ZFHX3: variants seen among roughly 807,000 people sequenced by gnomAD.
ZFHX3 encodes zinc finger homeobox protein 3.
ZFHX3 carries 42 observed loss-of-function variants against 279.1 expected under a neutral mutation model. That is an observed-to-expected ratio of 0.15 (90% CI 0.12 to 0.19). The LOEUF (loss-of-function observed/expected upper bound fraction) is 0.19. Ranked by LOEUF, ZFHX3 falls within the 10% of genes least tolerant of loss-of-function variation. ZFHX3 has a pLI of 1.00. For synonymous variants in ZFHX3, 2,293 were observed against 1,957.8 expected, an observed-to-expected ratio of 1.17 and a Z score of -4.52; for missense variants, 4,981 against 4,754.0, an observed-to-expected ratio of 1.05 and a Z score of -1.40.
At chr16:73,740,147 A>G (rs1482572925) in intron 1 of ZFHX3, among the ~76,000 whole-genome samples, 1 of 152,148 alleles carries the variant, frequency 6.6e-6, no homozygotes, top group Non-Finnish European at 1.5e-5. Context: ...TTATATTTCA[A>G]ATGCAAATAA....
chr16:73,479,392 C>T (rs1011558693), intron 2 of ZFHX3, among the ~76,000 whole-genome samples: 6 of 152,176 alleles, frequency 3.9e-5, no homozygotes, highest in Non-Finnish European at 8.8e-5. Flanking sequence ...AGTCACGAAA[C>T]TCATTCCACT....
chr16:73,049,929 A>C (rs1023984609), upstream of ZFHX3, among the ~76,000 whole-genome samples: 4 of 152,224 alleles, frequency 2.6e-5, no homozygotes, highest in African/African-American at 9.6e-5. Context: ...TGAATAAGAC[A>C]TGAAGATGAC....
At chr16:73,645,241 C>CT (rs979755245) in intron 2 of ZFHX3, among the ~76,000 whole-genome samples, 1 of 152,124 alleles carries the variant, frequency 6.6e-6, no homozygotes, top group African/African-American at 2.4e-5. Flanking sequence ...AAAGGACCAT[C>CT]TTTTTAAATC....
chr16:73,028,455 A>G (rs767624133), intron 1 of ZFHX3, among the ~76,000 whole-genome samples: 5 of 152,108 alleles, frequency 3.3e-5, no homozygotes, highest in Non-Finnish European at 7.4e-5. Context: ...GGGCAGTGTG[A>G]TGCTGGGGCT....
chr16:73,379,082 G>A (rs1027621478), intron 3 of ZFHX3, among the ~76,000 whole-genome samples: 2 of 152,186 alleles, frequency 1.3e-5, no homozygotes, highest in African/African-American at 2.4e-5. Flanking sequence ...TCTGTCAATG[G>A]CATGTTGAGG....
chr16:73,745,401 A>G (rs1382851979), intron 1 of ZFHX3, among the ~76,000 whole-genome samples: 2 of 152,202 alleles, frequency 1.3e-5, no homozygotes, highest in South Asian at 2.1e-4. Flanking sequence ...AGAGTCACTC[A>G]TGGTCCTACA....
intron 1 of ZFHX3, among the ~76,000 whole-genome samples, chr16:73,057,299 A>G (rs376311903): frequency 2.0e-5 from 3 of 152,358 alleles, no homozygotes; most frequent in African/African-American, 7.2e-5. Flanking sequence ...GCAAAGTGAT[A>G]TATACATATT....
chr16:73,058,669 GGTC>G (rs1241976668), exon 1 of ZFHX3: 1 of 237,576 alleles, frequency 4.2e-6, no homozygotes, highest in Non-Finnish European at 7.8e-6. Context: ...GGCTGGCGGG[GGTC>G]GGCGGCGGCG....
At chr16:73,227,971 AACTTTATTT>A (rs1233083081) in intron 5 of ZFHX3, among the ~76,000 whole-genome samples, 1 of 151,740 alleles carries the variant, frequency 6.6e-6, no homozygotes, top group Non-Finnish European at 1.5e-5. Flanking sequence ...TGACACCTAT[AACTTTATTT>A]AACCTTCACA....
intron 2 of ZFHX3, among the ~76,000 whole-genome samples, chr16:73,674,607 G>C (rs1382749873): frequency 6.6e-6 from 1 of 152,146 alleles, no homozygotes; most frequent in Non-Finnish European, 1.5e-5. Context: ...CTTGCAATAG[G>C]ACATGACAGT....
At chr16:73,269,962 G>A (rs2014095481) in intron 4 of ZFHX3, among the ~76,000 whole-genome samples, 2 of 151,958 alleles carry the variant, frequency 1.3e-5, no homozygotes, top group African/African-American at 2.4e-5. Flanking sequence ...TGGCCAGGGT[G>A]GTCTCGAACT....
intron 3 of ZFHX3, among the ~76,000 whole-genome samples, chr16:73,431,700 T>A (rs928781694): frequency 1.3e-5 from 2 of 152,216 alleles, no homozygotes; most frequent in Non-Finnish European, 2.9e-5. Flanking sequence ...ATTCCATGAT[T>A]TATTTCCTTG....
At chr16:73,405,515 A>G (rs1244549871) in intron 3 of ZFHX3, among the ~76,000 whole-genome samples, 1 of 152,198 alleles carries the variant, frequency 6.6e-6, no homozygotes, top group Non-Finnish European at 1.5e-5. Context: ...TCTCATCAAG[A>G]CACAGATTTA....
intron 5 of ZFHX3, among the ~76,000 whole-genome samples, chr16:72,827,692 T>C (rs1723990024): frequency 6.6e-6 from 1 of 152,214 alleles, no homozygotes; most frequent in South Asian, 2.1e-4. Flanking sequence ...CGTCCCCCAC[T>C]ACATTCAGGG....
chr16:73,490,581 T>TA (rs2019042934), intron 2 of ZFHX3, among the ~76,000 whole-genome samples: 1 of 152,216 alleles, frequency 6.6e-6, no homozygotes, highest in South Asian at 2.1e-4. Flanking sequence ...CTCATGCTTA[T>TA]AATCCCAGCA....
intron 4 of ZFHX3, among the ~76,000 whole-genome samples, chr16:72,865,583 T>C (rs1255910317): frequency 1.3e-5 from 2 of 152,162 alleles, no homozygotes; most frequent in South Asian, 4.1e-4. Context: ...TCATAGGCTA[T>C]AGGGACAGGT....
intron 2 of ZFHX3, among the ~76,000 whole-genome samples, chr16:73,639,606 C>T (rs2052556476): frequency 6.6e-6 from 1 of 152,046 alleles, no homozygotes; most frequent in African/African-American, 2.4e-5. Context: ...TTTCTTTTCT[C>T]CTAAAGCAGG....
At position 73,353,725 on chromosome 16, in the gene ZFHX3, G is replaced by A. The variant is rs149628767; in HGVS notation, c.-1290-35389C>T. Among the ~76,000 whole-genome samples, 482 of 152,150 alleles carry A rather than the reference G, an allele frequency of 3.2e-3. 1 individual carries two copies. Among genetic ancestry groups the A allele is most frequent in the African/African-American group, 0.011 (448 of 41,502 alleles). Reference sequence around the variant, plus strand: ...TGTTAGTATAGACCCAGTGTGCGGTGAAAAATGAAAGGAAGCAGGAGAAAA... The same window carrying A: ...TGTTAGTATAGACCCAGTGTGCGGTAAAAAATGAAAGGAAGCAGGAGAAAA... On this transcript the variant is annotated intron_variant, in intron 3 of 17. Transcript: ENST00000641206.
intron 7 of ZFHX3, among the ~76,000 whole-genome samples, chr16:73,097,967 T>C (rs1210951435): frequency 6.6e-6 from 1 of 152,222 alleles, no homozygotes; most frequent in Non-Finnish European, 1.5e-5. Context: ...ATTATGTTTA[T>C]CCACTCCCCT....
Sources: allele counts gnomAD v4.1 joint callset (sites outside exome capture counted in the v4.1 genomes callset), GRCh38; gene constraint gnomAD v4.1.1; transcripts MANE v1.5; gene names NCBI Gene and HGNC (gene_info 2026-07-23, HGNC 2026-07-21).